CCDC82: variants seen among roughly 807,000 people sequenced by gnomAD.
CCDC82 encodes coiled-coil domain containing 82.
A neutral mutation model predicts 60.6 loss-of-function variants in CCDC82; 47 were observed. That is an observed-to-expected ratio of 0.77 (90% CI 0.61 to 0.99). The LOEUF (loss-of-function observed/expected upper bound fraction) is 0.99, where lower values mean the gene tolerates loss of function less well. CCDC82 is among the 50% of genes least tolerant of loss of function. CCDC82 has a pLI of 0.00. For missense variants in CCDC82, 588 were observed against 633.0 expected (o/e 0.93, Z 0.76); for synonymous variants, 212 against 207.4 (o/e 1.02, Z -0.19).
intron 9 of CCDC82, 117 bp downstream of exon 9, chr11:96,358,876 A>G: frequency 9.8e-7 from 1 of 1,025,302 alleles, no homozygotes; most frequent in Non-Finnish European, 1.4e-6. Flanking sequence ...GAAAATACAA[A>G]CGACAGAAGA....
chr11:96,371,386 T>A (rs557931041), intron 6 of CCDC82, among the ~76,000 whole-genome samples: 21 of 152,134 alleles, frequency 1.4e-4, no homozygotes, highest in Admixed American at 5.9e-4. Flanking sequence ...ATCGAGACCA[T>A]CCTGGCTAAC....
chr11:96,368,409 C>G (rs930421201), intron 7 of CCDC82, among the ~76,000 whole-genome samples: 1 of 152,066 alleles, frequency 6.6e-6, no homozygotes, highest in African/African-American at 2.4e-5. Context: ...AGAGCACAAA[C>G]AGAGTCAGTT....
intron 5 of CCDC82, among the ~76,000 whole-genome samples, chr11:96,379,179 G>A (rs1207352026): frequency 5.3e-5 from 8 of 151,872 alleles, no homozygotes; most frequent in Non-Finnish European, 1.0e-4. Context: ...ATAGGTTACT[G>A]TTTTAATGAG....
intron 5 of CCDC82, among the ~76,000 whole-genome samples, chr11:96,375,257 T>A (rs547816155): frequency 1.3e-5 from 2 of 152,220 alleles, no homozygotes; most frequent in Non-Finnish European, 2.9e-5. Context: ...AATGTCCTTA[T>A]GCCCAGTGCT....
intron 7 of CCDC82, among the ~76,000 whole-genome samples, chr11:96,366,660 G>A (rs1302755626): frequency 1.3e-5 from 2 of 152,218 alleles, no homozygotes; most frequent in Non-Finnish European, 2.9e-5. Flanking sequence ...GGAGGCTGAG[G>A]TGGGAGGATC....
At chr11:96,382,714 A>T (rs1210697097) in intron 5 of CCDC82, 1 of 151,898 alleles carries the variant, frequency 6.6e-6, no homozygotes, top group Non-Finnish European at 1.5e-5. Flanking sequence ...ATCAACAATT[A>T]TTTTTAAAAT....
intron 4 of CCDC82, 70 bp downstream of exon 4, chr11:96,383,889 CTTT>C (rs1191189674): frequency 1.9e-5 from 26 of 1,393,238 alleles, no homozygotes; most frequent in Non-Finnish European, 2.4e-5. Flanking sequence ...GGACTCAGCA[CTTT>C]TTTATAAAAA....
intron 8 of CCDC82, chr11:96,363,528 A>T (rs997810827): frequency 2.6e-5 from 4 of 152,224 alleles, no homozygotes; most frequent in Non-Finnish European, 2.9e-5. Flanking sequence ...AGACAGTGCA[A>T]ATACTAATTG....
chr11:96,361,772 ATTTC>A (rs776974289), intron 8 of CCDC82, among the ~76,000 whole-genome samples: 2 of 152,220 alleles, frequency 1.3e-5, no homozygotes, highest in Non-Finnish European at 2.9e-5. Flanking sequence ...TGTTAGAATG[ATTTC>A]TTTAAATGTC....
At position 96,353,565 on chromosome 11, in the gene CCDC82, CAT is replaced by C. The variant is rs1864188718; in HGVS notation, c.*79_*80del. 9.4e-7 allele frequency: 1 copy of C among 1,058,546 alleles called. No homozygotes were observed. The highest frequency in any genetic ancestry group is 1.3e-5 in the South Asian group (1 of 76,556). 65.6% of individuals were successfully genotyped at this position (1,058,546 alleles called of 1,614,324 possible). On this transcript the variant is annotated 3_prime_UTR_variant, in exon 10 of 10. Transcript: ENST00000646818. ...TGAAGATATAGATAAAATGTACAAA[CAT>C]GTCACATGATACAGAAAAACAAGAA...
intron 8 of CCDC82, among the ~76,000 whole-genome samples, chr11:96,359,812 T>C (rs201559055): frequency 0.09 from 13,456 of 149,366 alleles, 774 homozygotes; most frequent in East Asian, 0.29. Context: ...ACTTTTCTTT[T>C]CCCCCCCCAA....
chr11:96,360,540 C>T (rs980530047), intron 8 of CCDC82, among the ~76,000 whole-genome samples: 22 of 152,054 alleles, frequency 1.4e-4, no homozygotes, highest in African/African-American at 5.3e-4. Context: ...GAAAATGCAT[C>T]AGAAAGGGCT....
At chr11:96,369,301 GACTA>G (rs781571303) in intron 7 of CCDC82, among the ~76,000 whole-genome samples, 36 of 152,216 alleles carry the variant, frequency 2.4e-4, no homozygotes, top group African/African-American at 2.9e-4. Context: ...TTCACAACTT[GACTA>G]ACTGTCTGGC....
chr11:96,362,962 T>C (rs986010360), intron 8 of CCDC82, among the ~76,000 whole-genome samples: 2 of 151,844 alleles, frequency 1.3e-5, no homozygotes, highest in African/African-American at 2.4e-5. Flanking sequence ...AATTTCTTTT[T>C]CTTTTCTTTT....
chr11:96,371,507 G>A (rs918246305), intron 6 of CCDC82, among the ~76,000 whole-genome samples: 4 of 152,214 alleles, frequency 2.6e-5, no homozygotes, highest in East Asian at 1.9e-4. Flanking sequence ...GTGTGAACCC[G>A]GGAGGGGGAG....
chr11:96,381,554 G>A (rs1865879235), intron 5 of CCDC82: 1 of 151,592 alleles, frequency 6.6e-6, no homozygotes. Context: ...GTTCCTACCA[G>A]AGCTGTAAAA....
At chr11:96,354,633 A>G (rs987147446) in intron 9 of CCDC82, 1 of 152,210 alleles carries the variant, frequency 6.6e-6, no homozygotes, top group Non-Finnish European at 1.5e-5. Flanking sequence ...ATGAAGATGA[A>G]GAGTAAAGAA....
chr11:96,372,219 G>A (rs1256070772), intron 6 of CCDC82, among the ~76,000 whole-genome samples: 2 of 152,048 alleles, frequency 1.3e-5, no homozygotes, highest in Non-Finnish European at 2.9e-5. Flanking sequence ...TGCTCCCTTT[G>A]CTTCATTCAG....
chr11:96,383,886 G>A (rs1866019844), intron 4 of CCDC82, 76 bp downstream of exon 4: 3 of 1,303,016 alleles, frequency 2.3e-6, no homozygotes, highest in Admixed American at 2.4e-5. Context: ...AACGGACTCA[G>A]CACTTTTTTA....
Sources: allele counts gnomAD v4.1 joint callset (sites outside exome capture counted in the v4.1 genomes callset), GRCh38; gene constraint gnomAD v4.1.1; transcripts MANE v1.5; gene names NCBI Gene and HGNC (gene_info 2026-07-23, HGNC 2026-07-21).